PSD3: variants seen among roughly 807,000 people sequenced by gnomAD.
The protein encoded by PSD3 is PH and SEC7 domain-containing protein 3.
In PSD3, 49 loss-of-function variants were observed where a neutral mutation model predicts 105.5. That is an observed-to-expected ratio of 0.46 (90% confidence interval 0.37 to 0.59). The LOEUF (loss-of-function observed/expected upper bound fraction) is 0.59. PSD3 is among the 20% of genes least tolerant of loss of function. PSD3 has a pLI of 0.00. For synonymous variants in PSD3, 557 were observed against 457.8 expected (o/e 1.22, Z -2.77); for missense variants, 1,561 against 1,263.8 (o/e 1.24, Z -3.57).
chr8:18,952,673 G>A (rs1463524666), intron 1 of PSD3, among the ~76,000 whole-genome samples: 2 of 152,130 alleles, frequency 1.3e-5, no homozygotes, highest in African/African-American at 4.8e-5. Flanking sequence ...CAATAATCCA[G>A]CAAACATATT....
At chr8:18,984,063 A>T (rs186747398) in intron 1 of PSD3, among the ~76,000 whole-genome samples, 52 of 151,788 alleles carry the variant, frequency 3.4e-4, no homozygotes, top group Middle Eastern at 3.4e-3. Context: ...TAGGTATAAT[A>T]ATAATAATGA....
chr8:18,558,530 C>G (rs575457437), intron 14 of PSD3, among the ~76,000 whole-genome samples: 1 of 152,094 alleles, frequency 6.6e-6, no homozygotes, highest in African/African-American at 2.4e-5. Context: ...CATAAAAATA[C>G]AGAAGTGTAG....
At chr8:19,048,321 T>C (rs910667399) in intron 1 of PSD3, among the ~76,000 whole-genome samples, 1 of 152,184 alleles carries the variant, frequency 6.6e-6, no homozygotes, top group Admixed American at 6.5e-5. Flanking sequence ...CCTAAAGATG[T>C]TTTTTATGGG....
At chr8:18,799,503 A>G in intron 7 of PSD3, 150 bp from the exon 8 acceptor site, 1 of 628,082 alleles carries the variant, frequency 1.6e-6, no homozygotes, top group Non-Finnish European at 2.8e-6. Context: ...AAAATGGATA[A>G]GAATAATTTA....
chr8:18,758,093 A>G (rs1806206369), intron 9 of PSD3, among the ~76,000 whole-genome samples: 1 of 152,204 alleles, frequency 6.6e-6, no homozygotes, highest in Non-Finnish European at 1.5e-5. Flanking sequence ...CCATTTACCC[A>G]GTATCCTCCA....
intron 9 of PSD3, among the ~76,000 whole-genome samples, chr8:18,692,283 TAATC>T (rs1198926624): frequency 1.3e-5 from 2 of 152,154 alleles, no homozygotes; most frequent in Non-Finnish European, 2.9e-5. Context: ...CAATAAGTAA[TAATC>T]AAATAATACC....
At chr8:18,980,912 C>T (rs1825217676) in intron 1 of PSD3, among the ~76,000 whole-genome samples, 1 of 152,138 alleles carries the variant, frequency 6.6e-6, no homozygotes, top group African/African-American at 2.4e-5. Flanking sequence ...AGCTTCTGAT[C>T]GCTGGTCTTC....
At chr8:18,759,856 C>T (rs970166073) in intron 9 of PSD3, among the ~76,000 whole-genome samples, 1 of 151,818 alleles carries the variant, frequency 6.6e-6, no homozygotes, top group Non-Finnish European at 1.5e-5. Flanking sequence ...ATGGACAATT[C>T]ATCTCTAAAT....
intron 2 of PSD3, among the ~76,000 whole-genome samples, chr8:18,930,147 TACAGCAAGAACACAAGACTCAC>T (rs1460636483): frequency 1.3e-5 from 2 of 152,104 alleles, no homozygotes; most frequent in African/African-American, 4.8e-5. Flanking sequence ...ACAGGCACCA[TACAGCAAGAACACAAGACTCAC>T]ACTTCCAGAA....
chr8:18,781,716 G>T (rs766172780), intron 8 of PSD3, among the ~76,000 whole-genome samples: 6 of 152,078 alleles, frequency 3.9e-5, no homozygotes, highest in Non-Finnish European at 5.9e-5. Context: ...GAAGATCTTC[G>T]AGCTTCCTAT....
chr8:18,535,842 G>T lies in PSD3; in HGVS notation c.3045C>A (p.Asn1015Lys), dbSNP rs113260520. Reference sequence around the variant, plus strand: ...TGGCAGTGATTGGAGAAGTATCCGGGTTCAGCGAAGGACTCGAGTGCGACT... The same window carrying T: ...TGGCAGTGATTGGAGAAGTATCCGGTTTCAGCGAAGGACTCGAGTGCGACT... ...LKKSHSSPSL[N>K]PDTSPITAKV... Residue 1015 changes from asparagine to lysine, a missense_variant, in exon 16 of 16, where the codon AAC (asparagine) becomes AAA (lysine). Transcript: ENST00000327040. The T allele has an allele frequency of 6.2e-7, 1 of 1,613,978 alleles. No homozygotes were observed. Among genetic ancestry groups the T allele is most frequent in the African/African-American group, 1.3e-5 (1 of 74,898 alleles).
At chr8:18,976,923 G>A (rs949411190) in intron 1 of PSD3, among the ~76,000 whole-genome samples, 1 of 152,114 alleles carries the variant, frequency 6.6e-6, no homozygotes, top group Admixed American at 6.5e-5. Context: ...TAGAGAATGA[G>A]GTAGTTCTGT....
intron 8 of PSD3, among the ~76,000 whole-genome samples, chr8:18,779,661 A>C (rs931168509): frequency 5.9e-5 from 9 of 152,228 alleles, no homozygotes; most frequent in African/African-American, 1.9e-4. Context: ...TTGTTTCAAG[A>C]AACTTTTTGT....
intron 2 of PSD3, among the ~76,000 whole-genome samples, chr8:18,887,215 C>T (rs1257491969): frequency 1.3e-5 from 2 of 152,164 alleles, no homozygotes; most frequent in African/African-American, 4.8e-5. Context: ...TTTTAACGGA[C>T]AAGGGAAATG....
rs188088819 is a variant in PSD3 at position 18,750,637 on chromosome 8, C to T, written c.2172+14812G>A. On this transcript the variant is annotated intron_variant, in intron 9 of 15. Transcript: ENST00000327040. Reference sequence around the variant, plus strand: ...CTGCTTTTATTCTCTTATCTGGCCCCACCCACATCCTGCTGATTGGTAGAG... The same window carrying T: ...CTGCTTTTATTCTCTTATCTGGCCCTACCCACATCCTGCTGATTGGTAGAG... 6.6e-5 allele frequency among the ~76,000 whole-genome samples: 10 copies of T among 152,206 alleles called. No homozygotes were observed. In the East Asian group the frequency reaches 1.9e-3, roughly 30 times the overall value.
At chr8:18,883,175 C>T (rs1417288804) in intron 2 of PSD3, among the ~76,000 whole-genome samples, 1 of 152,128 alleles carries the variant, frequency 6.6e-6, no homozygotes, top group Non-Finnish European at 1.5e-5. Flanking sequence ...ATGAGAAACA[C>T]ACCTCCAGAA....
At chr8:18,750,261 A>G (rs1428232398) in intron 9 of PSD3, among the ~76,000 whole-genome samples, 1 of 152,170 alleles carries the variant, frequency 6.6e-6, no homozygotes, top group Non-Finnish European at 1.5e-5. Context: ...ACAGCTCTTA[A>G]GGTGGCGCGT....
Position 18,988,114 on chromosome 8 carries a change from C to CATAT in PSD3, c.21+25445_21+25448dup, listed in dbSNP as rs928050595. ...GTTAGAAAAAATAAATAAATAAATA[C>CATAT]ATATATATATATACACATGAATAAG... On this transcript the variant is annotated intron_variant, in intron 1 of 15. Transcript: ENST00000327040. 5.4e-3 allele frequency among the ~76,000 whole-genome samples: 306 copies of CATAT among 56,348 alleles called. 1 individual carries two copies. Among genetic ancestry groups the CATAT allele is most frequent in the African/African-American group, 0.012 (291 of 23,512 alleles). The allele number at this position is 56,348 out of a possible 152,430, so 37.0% of individuals were successfully genotyped here. A position where few individuals can be genotyped will look rare whatever the true frequency, so the allele number is the denominator to read the frequency against.
intron 1 of PSD3, among the ~76,000 whole-genome samples, chr8:19,040,556 C>T (rs10090185): frequency 0.071 from 10,829 of 152,192 alleles, 1,290 homozygotes; most frequent in African/African-American, 0.25. Context: ...TTTAAGCCCA[C>T]GAGTAACTTG....
Sources: gnomAD v4.1 joint callset for allele counts (sites outside exome capture counted in the v4.1 genomes callset) on GRCh38, gnomAD v4.1.1 for gene constraint, MANE v1.5 for transcripts, NCBI Gene and HGNC (gene_info 2026-07-23, HGNC 2026-07-21) for gene names.